Variants in GRID1 observed in about 807,000 individuals in gnomAD.
GRID1 encodes the protein glutamate receptor ionotropic, delta-1.
In GRID1, 28 loss-of-function variants were observed where a neutral mutation model predicts 98.0. The observed-to-expected ratio is 0.29, with a 90% confidence interval of 0.21 to 0.39. The LOEUF (loss-of-function observed/expected upper bound fraction) is 0.39, where lower values mean the gene tolerates loss of function less well. Ranked by LOEUF, GRID1 falls within the 10% of genes least tolerant of loss-of-function variation. GRID1 has a pLI of 1.00. For missense variants in GRID1, 1,111 were observed against 1,340.5 expected (o/e 0.83, Z 2.67); for synonymous variants, 553 against 538.5 (o/e 1.03, Z -0.37).
chr10:85,755,801 A>C (rs1175756732), intron 8 of GRID1, among the ~76,000 whole-genome samples: 2 of 152,098 alleles, frequency 1.3e-5, no homozygotes, highest in East Asian at 3.9e-4. Flanking sequence ...GGTCTGGAAC[A>C]AACTTGAATT....
intron 12 of GRID1, among the ~76,000 whole-genome samples, chr10:85,703,126 C>T (rs898827504): frequency 5.3e-5 from 8 of 151,880 alleles, no homozygotes; most frequent in Admixed American, 5.3e-4. Context: ...CGAGCAAATT[C>T]TAAACAATAT....
chr10:86,296,233 TATG>T (rs1847586546), intron 2 of GRID1, among the ~76,000 whole-genome samples: 2 of 152,356 alleles, frequency 1.3e-5, no homozygotes, highest in African/African-American at 4.8e-5. Flanking sequence ...AGGAAAATGC[TATG>T]GTATTATAGA....
chr10:85,876,807 T>C (rs1256887787), intron 5 of GRID1, among the ~76,000 whole-genome samples: 1 of 152,174 alleles, frequency 6.6e-6, no homozygotes, highest in Admixed American at 6.5e-5. Flanking sequence ...GGGCGAGGCA[T>C]TGCCTCACTC....
intron 4 of GRID1, among the ~76,000 whole-genome samples, chr10:86,081,504 G>T (rs540212803): frequency 6.6e-6 from 1 of 152,352 alleles, no homozygotes; most frequent in East Asian, 1.9e-4. Flanking sequence ...ACATGGCAGT[G>T]AATGCACAGA....
At chr10:86,022,022 C>CACATTTTACTTA (rs1843056109) in intron 4 of GRID1, among the ~76,000 whole-genome samples, 2 of 152,028 alleles carry the variant, frequency 1.3e-5, no homozygotes, top group African/African-American at 4.8e-5. Context: ...AAAAAGAAAC[C>CACATTTTACTTA]GATTAATACC....
chr10:86,295,634 G>A (rs1269637850), intron 2 of GRID1, among the ~76,000 whole-genome samples: 1 of 152,194 alleles, frequency 6.6e-6, no homozygotes, highest in African/African-American at 2.4e-5. Context: ...GGAGAAACGC[G>A]ATATGACGGC....
chr10:85,920,643 T>C (rs1412270580), intron 4 of GRID1, among the ~76,000 whole-genome samples: 2 of 152,168 alleles, frequency 1.3e-5, no homozygotes, highest in Non-Finnish European at 2.9e-5. Flanking sequence ...CAGCAGGACG[T>C]GGTGTTTCCC....
At chr10:85,629,338 C>T (rs1395037419) in intron 13 of GRID1, among the ~76,000 whole-genome samples, 1 of 152,122 alleles carries the variant, frequency 6.6e-6, no homozygotes, top group Admixed American at 6.5e-5. Flanking sequence ...CCCAAACAGC[C>T]TATATTGTAC....
chr10:86,311,203 G>C (rs1225098698), intron 2 of GRID1, among the ~76,000 whole-genome samples: 2 of 152,102 alleles, frequency 1.3e-5, no homozygotes, highest in Non-Finnish European at 2.9e-5. Flanking sequence ...ATTGACAAAA[G>C]GAGGGCTCAG....
intron 4 of GRID1, among the ~76,000 whole-genome samples, chr10:85,928,202 T>G (rs979713095): frequency 6.6e-6 from 1 of 152,200 alleles, no homozygotes; most frequent in Non-Finnish European, 1.5e-5. Context: ...GGCTCACACC[T>G]GTGATCCAGC....
intron 4 of GRID1, among the ~76,000 whole-genome samples, chr10:86,019,402 T>C (rs989655727): frequency 2.0e-4 from 31 of 152,356 alleles, no homozygotes; most frequent in African/African-American, 5.0e-4. Flanking sequence ...AGGATGTCCA[T>C]AGTGCCCCCA....
intron 2 of GRID1, among the ~76,000 whole-genome samples, chr10:86,299,044 C>A (rs541575154): frequency 6.6e-6 from 1 of 152,232 alleles, no homozygotes. Context: ...ATTCCACCCC[C>A]ACCCGGCCCT....
intron 3 of GRID1, among the ~76,000 whole-genome samples, chr10:86,143,627 G>C (rs1205057501): frequency 6.6e-6 from 1 of 152,062 alleles, no homozygotes; most frequent in Non-Finnish European, 1.5e-5. Flanking sequence ...CCAACCACAC[G>C]CACCTCCACC....
chr10:86,357,024 T>C (rs1057242830), intron 2 of GRID1, among the ~76,000 whole-genome samples: 3 of 152,192 alleles, frequency 2.0e-5, no homozygotes, highest in African/African-American at 7.2e-5. Flanking sequence ...GGGACAGCCT[T>C]AGCTGGCCCC....
chr10:86,162,088 A>G (rs561866483), intron 3 of GRID1, among the ~76,000 whole-genome samples: 1 of 152,192 alleles, frequency 6.6e-6, no homozygotes, highest in Non-Finnish European at 1.5e-5. Flanking sequence ...TGTTTTTGCA[A>G]TGCCATTTCA....
chr10:85,899,740 G>A (rs1200042641), intron 5 of GRID1, among the ~76,000 whole-genome samples: 7 of 152,224 alleles, frequency 4.6e-5, no homozygotes, highest in Non-Finnish European at 7.4e-5. Flanking sequence ...ACATGGGGAG[G>A]CACTTGTTCA....
chr10:85,613,540 C>A lies in GRID1; in HGVS notation c.2468G>T (p.Gly823Val). The A allele has an allele frequency of 6.2e-7, 1 of 1,614,192 alleles. No individual in the cohort carries two copies. ...LTSHASAQAD[G>V]KSLKLHSFAG... ...GAAGCTGTGCAGCTTGAGGGATTTG[C>A]CGTCGGCCTGGGCGCTGGCATGGCT... The change falls in exon 15 of 16, where the codon GGC becomes GTC. Residue 823 changes from glycine (G) to valine (V), a missense_variant. Around this residue, in one of 3 missense-constraint regions of GRID1, gnomAD observed 762 missense variants for 869.1 expected, o/e 0.88. Coordinates refer to ENST00000327946, the MANE Select transcript of GRID1 (RefSeq NM_017551.3).
At chr10:86,220,546 A>T (rs540993414) in intron 2 of GRID1, among the ~76,000 whole-genome samples, 1 of 152,222 alleles carries the variant, frequency 6.6e-6, no homozygotes, top group South Asian at 2.1e-4. Context: ...CCAGGTTCAA[A>T]CTCAAAACCA....
At chr10:85,623,320 GA>G (rs1312373071) in intron 13 of GRID1, among the ~76,000 whole-genome samples, 2 of 152,152 alleles carry the variant, frequency 1.3e-5, no homozygotes, top group African/African-American at 2.4e-5. Context: ...CCAGCTCTAA[GA>G]AGTTAAAATA....
Sources: allele counts gnomAD v4.1 joint callset (sites outside exome capture counted in the v4.1 genomes callset), GRCh38; gene constraint gnomAD v4.1.1; regional missense constraint gnomAD v4.1.1; transcripts MANE v1.5; gene names NCBI Gene and HGNC (gene_info 2026-07-23, HGNC 2026-07-21).